ZNF573: variants seen among roughly 807,000 people sequenced by gnomAD.
The protein encoded by ZNF573 is zinc finger protein 573.
Under a neutral mutation model 57.4 loss-of-function variants are expected in ZNF573, and 41 were observed. The ratio of observed to expected loss-of-function variants is 0.71; its 90% confidence interval spans 0.56 to 0.93. ZNF573 has a LOEUF of 0.93. Among genes scored for constraint, ZNF573 ranks in the 40% least tolerant of loss-of-function variants. The probability of loss-of-function intolerance (pLI) is 0.00; values close to 1 mark genes in which losing one functional copy is unlikely to be tolerated. For synonymous variants in ZNF573, 249 were observed against 261.0 expected, an observed-to-expected ratio of 0.95 and a Z score of 0.44; for missense variants, 730 against 794.8, an observed-to-expected ratio of 0.92 and a Z score of 0.98.
At chr19:37,740,245 C>T (rs988768780) in intron 4 of ZNF573, 51 bp from the exon 5 acceptor site, 1 of 1,465,252 alleles carries the variant, frequency 6.8e-7, no homozygotes, top group Admixed American at 2.4e-5. Context: ...TACCAGAGAA[C>T]AAGAAACTTT....
rs943908282 is a variant in ZNF573, at chr19:37,773,684, A to G, written c.46T>C (p.Tyr16His). The part of the protein sequence containing the change: ...EPHQVGLIRS[Y>H]NSKTMTCFQE... ...ACACAGGTCATGGTTTTAGAATTGT[A>G]AGACCTGATCAGTCCTACTTGGTGG... Residue 16 changes from tyrosine to histidine, a missense_variant, in exon 2 of 5, where the codon TAC becomes CAC. By Grantham distance (83) the Tyr-to-His change is moderately conservative. Coordinates refer to ENST00000536220, the MANE Select transcript of ZNF573 (RefSeq NM_001172690.2). 3 of 1,535,660 alleles carry G rather than the reference A, an allele frequency of 2.0e-6. No homozygotes were observed. The highest frequency in any genetic ancestry group is 2.6e-6 in the Non-Finnish European group (3 of 1,146,682).
At chr19:37,769,531 G>C (rs1391201311) in intron 4 of ZNF573, among the ~76,000 whole-genome samples, 1 of 151,264 alleles carries the variant, frequency 6.6e-6, no homozygotes, top group Non-Finnish European at 1.5e-5. Context: ...TTCAAGACCA[G>C]CCTGGCCAAC....
rs1254868835 is a variant in ZNF573 at position 37,738,370 on chromosome 19, G to A, written c.*122C>T. 8.2e-5 allele frequency: 88 copies of A among 1,074,416 alleles called. No individual in the cohort carries two copies. Among genetic ancestry groups the A allele is most frequent in the Non-Finnish European group, 1.0e-4 (82 of 793,018 alleles). 66.6% of individuals were successfully genotyped at this position (1,074,416 alleles called of 1,614,324 possible). A position where few individuals can be genotyped will look rare whatever the true frequency, so the allele number is the denominator to read the frequency against. ...CTGACATTGAATGCTTTCTAATGTG[G>A]CAAGATCTGCATTTTGAACTCTCTC... On this transcript the variant is annotated 3_prime_UTR_variant, in exon 5 of 5. Coordinates refer to ENST00000536220, the MANE Select transcript of ZNF573 (RefSeq NM_001172690.2).
intron 4 of ZNF573, chr19:37,755,258 G>C (rs199899368): frequency 6.6e-6 from 1 of 152,360 alleles, no homozygotes; most frequent in African/African-American, 2.4e-5. Context: ...GTGAGCCACC[G>C]CACCTGGCCC....
intron 4 of ZNF573, among the ~76,000 whole-genome samples, chr19:37,768,095 T>TA (rs988042211): frequency 2.0e-5 from 3 of 151,886 alleles, no homozygotes; most frequent in African/African-American, 2.4e-5. Flanking sequence ...TATATTAAAA[T>TA]AAAAAAAAAT....
chr19:37,764,233 C>CA (rs2045579468), intron 4 of ZNF573, among the ~76,000 whole-genome samples: 1 of 150,982 alleles, frequency 6.6e-6, no homozygotes, highest in African/African-American at 2.4e-5. Flanking sequence ...AGGAAGTTGC[C>CA]ATATAAACTC....
At position 37,771,715 on chromosome 19, in the gene ZNF573, C is replaced by T. The variant is rs768387951; in HGVS notation, c.70-19G>A. Reference sequence around the variant, plus strand: ...CCTGAAACTGCAAACCCATGCATTACAAAATTTTAAAAACATTTTAAAGAA... The same window carrying T: ...CCTGAAACTGCAAACCCATGCATTATAAAATTTTAAAAACATTTTAAAGAA... On this transcript the variant is annotated intron_variant, in intron 2 of 4. Coordinates refer to ENST00000536220, the MANE Select transcript of ZNF573 (RefSeq NM_001172690.2). 1.3e-6 allele frequency: 2 copies of T among 1,577,896 alleles called. No individual in the cohort carries two copies. The highest frequency in any genetic ancestry group is 2.4e-5 in the South Asian group (2 of 84,548).
chr19:37,774,543 G>A (rs1324814900), intron 1 of ZNF573, among the ~76,000 whole-genome samples: 2 of 152,180 alleles, frequency 1.3e-5, no homozygotes, highest in African/African-American at 4.8e-5. Flanking sequence ...GTTCTGTGTT[G>A]AGCACAAACT....
At chr19:37,772,768 G>A (rs1297377672) in intron 2 of ZNF573, among the ~76,000 whole-genome samples, 1 of 151,930 alleles carries the variant, frequency 6.6e-6, no homozygotes, top group Non-Finnish European at 1.5e-5. Context: ...CGAGTAACTG[G>A]GACTACAGGG....
intron 4 of ZNF573, among the ~76,000 whole-genome samples, chr19:37,744,748 AAAAAAAAAG>A (rs1306440068): frequency 1.3e-4 from 19 of 143,068 alleles, no homozygotes; most frequent in African/African-American, 5.3e-4. Flanking sequence ...CTCAAAAAAA[AAAAAAAAAG>A]AAAAAAAAAA....
In ZNF573 at chr19:37,744,938, C is replaced by T. The variant is rs112376893; in HGVS notation, c.296-4744G>A. On this transcript the variant is annotated intron_variant, in intron 4 of 4. Transcript: ENST00000536220. ...CTGGGACTACAGGCACCCGCCACCACGCCCCGCTAAATTTTTTGTATTTTT... is the reference window on the plus strand; with the variant it reads ...CTGGGACTACAGGCACCCGCCACCATGCCCCGCTAAATTTTTTGTATTTTT... Among the ~76,000 whole-genome samples, 918 of 148,816 alleles carry T rather than the reference C, an allele frequency of 6.2e-3. 10 individuals carry two copies. Among genetic ancestry groups the T allele is most frequent in the African/African-American group, 0.021 (849 of 40,344 alleles).
chr19:37,744,876 G>A (rs1317806595), intron 4 of ZNF573, among the ~76,000 whole-genome samples: 1 of 151,676 alleles, frequency 6.6e-6, no homozygotes, highest in African/African-American at 2.4e-5. Context: ...CTGCCTCCCA[G>A]GTTCATGCCA....
At chr19:37,754,979 AT>A (rs1441187322) in intron 4 of ZNF573, among the ~76,000 whole-genome samples, 2 of 151,786 alleles carry the variant, frequency 1.3e-5, no homozygotes, top group African/African-American at 4.8e-5. Flanking sequence ...TATTTTATTT[AT>A]TTTTTTTGAG....
chr19:37,749,888 A>G (rs1051885982), intron 4 of ZNF573, among the ~76,000 whole-genome samples: 7 of 152,178 alleles, frequency 4.6e-5, no homozygotes, highest in African/African-American at 7.2e-5. Context: ...CCACTGCAAA[A>G]TCAACACACA....
rs746688169 is a variant in ZNF573 at position 37,739,000 on chromosome 19, G to A, written c.1490C>T (p.Pro497Leu). Reference sequence around the variant, plus strand: ...CTTGCCACATTCCTTACATTTATAGGGTTTCTCACCAGTATGAGTTTTCCG... The same window carrying A: ...CTTGCCACATTCCTTACATTTATAGAGTTTCTCACCAGTATGAGTTTTCCG... ...QHRKTHTGEK[P>L]YKCKECGKTF... The change falls in exon 5 of 5, where the codon CCC becomes CTC. Residue 497 changes from proline (P) to leucine (L), a missense_variant. By Grantham distance (98) the Pro-to-Leu change is moderately conservative. Coordinates refer to ENST00000536220, the MANE Select transcript of ZNF573 (RefSeq NM_001172690.2). 2.5e-5 allele frequency: 41 copies of A among 1,613,606 alleles called. No individual in the cohort carries two copies. In the East Asian group the frequency reaches 8.9e-4, roughly 35 times the overall value.
intron 4 of ZNF573, among the ~76,000 whole-genome samples, chr19:37,758,191 AAGT>A (rs2045509237): frequency 2.8e-5 from 1 of 35,744 alleles, no homozygotes; most frequent in African/African-American, 6.7e-5. Context: ...CTAGAACTTA[AAGT>A]ATAATAAAAT....
chr19:37,753,518 G>A (rs1011914475), intron 4 of ZNF573, among the ~76,000 whole-genome samples: 4 of 151,832 alleles, frequency 2.6e-5, no homozygotes, highest in African/African-American at 9.7e-5. Flanking sequence ...AAGACAGGCA[G>A]AAGAAGTATA....
intron 4 of ZNF573, among the ~76,000 whole-genome samples, chr19:37,765,772 C>T (rs745395134): frequency 1.3e-5 from 2 of 151,850 alleles, no homozygotes; most frequent in Non-Finnish European, 2.9e-5. Flanking sequence ...GGCACGGTGG[C>T]TCATGTCTGT....
chr19:37,758,202 A>AAAAAAAT (rs1568420232), intron 4 of ZNF573, among the ~76,000 whole-genome samples: 2 of 17,188 alleles, frequency 1.2e-4, no homozygotes, highest in Non-Finnish European at 2.7e-4. Context: ...AGTATAATAA[A>AAAAAAAT]ATATATATAT....
Sources: allele counts gnomAD v4.1 joint callset (sites outside exome capture counted in the v4.1 genomes callset), GRCh38; gene constraint gnomAD v4.1.1; transcripts MANE v1.5; gene names NCBI Gene and HGNC (gene_info 2026-07-23, HGNC 2026-07-21).